The following SH3KBP1 variants were observed in gnomAD, a reference collection of about 807,000 sequenced individuals.
The protein encoded by SH3KBP1 is SH3 domain-containing kinase-binding protein 1.
SH3KBP1 carries 8 observed loss-of-function variants against 50.1 expected under a neutral mutation model. That is an observed-to-expected ratio of 0.16 (90% CI 0.09 to 0.29). The LOEUF (loss-of-function observed/expected upper bound fraction) is 0.29, where lower values mean the gene tolerates loss of function less well. Ranked by LOEUF, SH3KBP1 falls within the 10% of genes least tolerant of loss-of-function variation. SH3KBP1 has a pLI of 1.00. For synonymous variants in SH3KBP1, 227 were observed against 218.6 expected (o/e 1.04, Z -0.34); for missense variants, 377 against 535.2 (o/e 0.70, Z 2.92).
intron 4 of SH3KBP1, among the ~76,000 whole-genome samples, chrX:19,703,785 CATCT>C (rs774885208): frequency 1.4e-5 from 1 of 70,060 alleles, no homozygotes; most frequent in Non-Finnish European, 2.7e-5. Context: ...TAGAGAAATC[CATCT>C]ATTAATCAAT....
At chrX:19,679,348 C>T (rs893136720) in intron 6 of SH3KBP1, among the ~76,000 whole-genome samples, 7 of 111,824 alleles carry the variant, frequency 6.3e-5, no homozygotes, top group Admixed American at 5.7e-4. Context: ...TGAAATGAGT[C>T]ATATTTAGAA....
intron 6 of SH3KBP1, among the ~76,000 whole-genome samples, chrX:19,661,216 A>G (rs1189955674): frequency 8.9e-6 from 1 of 112,601 alleles, no homozygotes; most frequent in Non-Finnish European, 1.9e-5. Context: ...TCTCAGCTAT[A>G]ACATGGTAGA....
At chrX:19,659,700 A>G (rs2062402490) in intron 6 of SH3KBP1, among the ~76,000 whole-genome samples, 1 of 112,848 alleles carries the variant, frequency 8.9e-6, no homozygotes, top group Non-Finnish European at 1.9e-5. Flanking sequence ...ACTTAGTAAG[A>G]CATATTCAAC....
At chrX:19,797,214 A>G (rs778914504) in intron 2 of SH3KBP1, among the ~76,000 whole-genome samples, 66 of 111,860 alleles carry the variant, frequency 5.9e-4, no homozygotes, top group Non-Finnish European at 9.2e-4. Flanking sequence ...ATGTGATGGG[A>G]ATGGAGAAAG....
intron 6 of SH3KBP1, chrX:19,670,851 AAAAG>A: frequency 1.7e-6 from 2 of 1,145,271 alleles, no homozygotes; most frequent in Non-Finnish European, 2.3e-6. Flanking sequence ...AAAAAAAAAA[AAAAG>A]AAATACCTCT....
intron 2 of SH3KBP1, among the ~76,000 whole-genome samples, chrX:19,750,646 T>C (rs945386716): frequency 8.9e-6 from 1 of 111,801 alleles, no homozygotes; most frequent in South Asian, 3.7e-4. Flanking sequence ...AGTTGGGGGA[T>C]GGTGCACTGC....
chrX:19,580,735 T>C (rs2066346319), intron 12 of SH3KBP1, among the ~76,000 whole-genome samples: 1 of 110,930 alleles, frequency 9.0e-6, no homozygotes, highest in Admixed American at 9.6e-5. Flanking sequence ...GCTCCACACT[T>C]CCTCCTTCTA....
chrX:19,823,619 C>T (rs1488347399), intron 2 of SH3KBP1, among the ~76,000 whole-genome samples: 1 of 111,978 alleles, frequency 8.9e-6, no homozygotes, highest in African/African-American at 3.2e-5. Context: ...TGGATCACCT[C>T]CCTGTTTAAA....
At chrX:19,545,759 C>T (rs980378749) in intron 15 of SH3KBP1, among the ~76,000 whole-genome samples, 163 bp downstream of exon 15, 3 of 112,050 alleles carry the variant, frequency 2.7e-5, no homozygotes, top group Non-Finnish European at 5.6e-5. Flanking sequence ...TGCCTAGTTT[C>T]GGAGACTGCA....
chrX:19,597,642 C>T (rs1356316905), intron 9 of SH3KBP1, among the ~76,000 whole-genome samples: 1 of 112,005 alleles, frequency 8.9e-6, no homozygotes, highest in Non-Finnish European at 1.9e-5. Flanking sequence ...TGGTCTCAAA[C>T]TCCTAGGCTC....
At chrX:19,883,689 A>G (rs1187801431) in intron 1 of SH3KBP1, among the ~76,000 whole-genome samples, 1 of 111,594 alleles carries the variant, frequency 9.0e-6, no homozygotes. Flanking sequence ...CCAGGATGGA[A>G]TAAGATGAAA....
chrX:19,664,310 G>T (rs2062541069), intron 6 of SH3KBP1, among the ~76,000 whole-genome samples: 1 of 111,133 alleles, frequency 9.0e-6, no homozygotes, highest in South Asian at 3.8e-4. Flanking sequence ...CTTCTTTCTA[G>T]CCACTCAATT....
intron 1 of SH3KBP1, among the ~76,000 whole-genome samples, chrX:19,870,555 A>T (rs1603288137): frequency 1.8e-5 from 2 of 111,874 alleles, no homozygotes; most frequent in African/African-American, 6.5e-5. Context: ...CATGTTGCCC[A>T]GGCTGGTCTC....
intron 13 of SH3KBP1, among the ~76,000 whole-genome samples, chrX:19,554,953 C>T (rs1170984676): frequency 2.7e-5 from 3 of 112,756 alleles, no homozygotes; most frequent in Non-Finnish European, 3.7e-5. Context: ...AGGCACAGAG[C>T]GCATGCTTCA....
intron 6 of SH3KBP1, among the ~76,000 whole-genome samples, chrX:19,651,491 C>T (rs751138145): frequency 1.8e-5 from 2 of 111,939 alleles, no homozygotes; most frequent in South Asian, 7.5e-4. Flanking sequence ...GGTGTGCTTC[C>T]CAGTCTATTT....
At chrX:19,657,067 T>G (rs1057013528) in intron 6 of SH3KBP1, among the ~76,000 whole-genome samples, 7 of 111,788 alleles carry the variant, frequency 6.3e-5, no homozygotes, top group Non-Finnish European at 1.3e-4. Flanking sequence ...AACAGTGTTT[T>G]GTTGTTTTGT....
At chrX:19,773,888 A>AATC (rs1374448667) in intron 2 of SH3KBP1, among the ~76,000 whole-genome samples, 1 of 99,886 alleles carries the variant, frequency 1.0e-5, no homozygotes, top group African/African-American at 3.8e-5. Context: ...AAAAAAAAAG[A>AATC]ATCATCATTT....
At chrX:19,724,709 T>C (rs974122717) in intron 3 of SH3KBP1, among the ~76,000 whole-genome samples, 2 of 112,802 alleles carry the variant, frequency 1.8e-5, no homozygotes, top group South Asian at 3.6e-4. Flanking sequence ...TAGGAAGAAG[T>C]GTTAAGAGTC....
chrX:19,592,007 G>T, intron 11 of SH3KBP1, 60 bp downstream of exon 11: 4 of 943,134 alleles, frequency 4.2e-6, no homozygotes, highest in South Asian at 3.9e-5. Context: ...GACTAGCCGT[G>T]TAACAGACAG....
Sources: allele counts gnomAD v4.1 joint callset (sites outside exome capture counted in the v4.1 genomes callset), GRCh38; gene constraint gnomAD v4.1.1; transcripts MANE v1.5; gene names NCBI Gene and HGNC (gene_info 2026-07-23, HGNC 2026-07-21).